The following ZNF331 variants were observed in gnomAD, a reference collection of about 807,000 sequenced individuals.
ZNF331 encodes zinc finger protein 331.
Under a neutral mutation model 7.0 loss-of-function variants are expected in ZNF331, and 2 were observed. That is an observed-to-expected ratio of 0.29 (90% CI 0.12 to 0.90). ZNF331 has a LOEUF of 0.90. ZNF331 is among the 40% of genes least tolerant of loss of function. The pLI is 0.58. For synonymous variants in ZNF331, 196 were observed against 205.4 expected (o/e 0.95, Z 0.39); for missense variants, 432 against 587.7 (o/e 0.74, Z 2.74).
chr19:53,572,648 AT>A (rs2090518543), intron 5 of ZNF331, among the ~76,000 whole-genome samples: 1 of 148,238 alleles, frequency 6.7e-6, no homozygotes, highest in Non-Finnish European at 1.5e-5. Flanking sequence ...ATATATACAT[AT>A]ATAGTATATA....
intron 3 of ZNF331, among the ~76,000 whole-genome samples, chr19:53,564,441 G>A (rs528115131): frequency 1.0e-3 from 156 of 151,954 alleles, no homozygotes; most frequent in African/African-American, 3.5e-3. Context: ...CACCATGCCC[G>A]GCTAATTTTT....
chr19:53,550,674 T>C (rs988113432), intron 2 of ZNF331, among the ~76,000 whole-genome samples: 1 of 150,060 alleles, frequency 6.7e-6, no homozygotes, highest in East Asian at 2.0e-4. Context: ...GTACCTGGGA[T>C]TACAGGCTCC....
intron 2 of ZNF331, among the ~76,000 whole-genome samples, chr19:53,527,049 C>A (rs1020345957): frequency 6.6e-6 from 1 of 151,812 alleles, no homozygotes; most frequent in African/African-American, 2.4e-5. Flanking sequence ...ATTAGCCAGG[C>A]ATGGTGGCAT....
At chr19:53,542,002 A>G (rs937894593) in intron 2 of ZNF331, among the ~76,000 whole-genome samples, 8 of 80,066 alleles carry the variant, frequency 1.0e-4, no homozygotes, top group Non-Finnish European at 1.7e-4. Context: ...ACAGTGTCTC[A>G]AAAAAAAAAA....
At chr19:53,521,482 G>A (rs1375401646) in exon 1 of ZNF331, 1 of 152,434 alleles carries the variant, frequency 6.6e-6, no homozygotes, top group Admixed American at 6.5e-5. Context: ...ATGCGGGGTT[G>A]ACGCGGCCGG....
chr19:53,510,461 T>C, the ZNF331 span, among the ~76,000 whole-genome samples: 1 of 151,726 alleles, frequency 6.6e-6, no homozygotes, highest in Non-Finnish European at 1.5e-5. Flanking sequence ...CCATGTAGCT[T>C]TATTTTAAAT....
At chr19:53,562,503 A>G (rs1418915945) in intron 3 of ZNF331, among the ~76,000 whole-genome samples, 1 of 152,138 alleles carries the variant, frequency 6.6e-6, no homozygotes, top group Non-Finnish European at 1.5e-5. Flanking sequence ...CAGCCTGGCT[A>G]ACATGGTGAA....
At chr19:53,567,041 G>A (rs1010510277) in intron 3 of ZNF331, among the ~76,000 whole-genome samples, 9 of 151,992 alleles carry the variant, frequency 5.9e-5, no homozygotes, top group African/African-American at 1.7e-4. Flanking sequence ...AAATGTTATT[G>A]TGTCATTCTG....
the ZNF331 span, among the ~76,000 whole-genome samples, chr19:53,508,170 A>G: frequency 6.6e-6 from 1 of 152,192 alleles, no homozygotes; most frequent in Non-Finnish European, 1.5e-5. Flanking sequence ...AATCTGTCTC[A>G]TGCAGAGCTT....
chr19:53,510,341 G>C, the ZNF331 span, among the ~76,000 whole-genome samples: 11 of 152,070 alleles, frequency 7.2e-5, no homozygotes, highest in East Asian at 2.1e-3. Flanking sequence ...GCAGATTAGG[G>C]AACTCGGGGT....
upstream of ZNF331, among the ~76,000 whole-genome samples, chr19:53,520,035 C>T (rs376700508): frequency 1.4e-4 from 21 of 149,778 alleles, no homozygotes; most frequent in South Asian, 6.4e-4. Flanking sequence ...TTAAGCTTTC[C>T]GGGCTTATTA....
At chr19:53,519,057 G>C (rs1251216009), upstream of ZNF331, among the ~76,000 whole-genome samples, 1 of 152,184 alleles carries the variant, frequency 6.6e-6, no homozygotes, top group African/African-American at 2.4e-5. Context: ...GCAAGATGGA[G>C]TCTTTTTCTA....
chr19:53,553,132 A>T (rs1455028634), intron 2 of ZNF331, among the ~76,000 whole-genome samples: 1 of 152,144 alleles, frequency 6.6e-6, no homozygotes, highest in Non-Finnish European at 1.5e-5. Context: ...AATGTATTTT[A>T]TGCCATTATA....
chr19:53,538,055 G>C (rs151226749), upstream of ZNF331: 1 of 152,472 alleles, frequency 6.6e-6, no homozygotes, highest in Non-Finnish European at 1.5e-5. Flanking sequence ...CATGCGTGTC[G>C]GGCTCTGCTG....
At chr19:53,559,893 TAC>T (rs1352457406) in intron 3 of ZNF331, among the ~76,000 whole-genome samples, 1 of 149,424 alleles carries the variant, frequency 6.7e-6, no homozygotes, top group Non-Finnish European at 1.5e-5. Context: ...ACACATGCCA[TAC>T]ACACACATAT....
the ZNF331 span, chr19:53,503,325 A>G: frequency 2.6e-6 from 1 of 379,816 alleles, no homozygotes; most frequent in South Asian, 2.2e-5. Flanking sequence ...AATGTCGCTC[A>G]TGCATCACGT....
intron 1 of ZNF331, among the ~76,000 whole-genome samples, chr19:53,522,410 T>A (rs1486783552): frequency 6.6e-6 from 1 of 152,138 alleles, no homozygotes; most frequent in African/African-American, 2.4e-5. Context: ...CTAATTTTTG[T>A]ATTTTTAGTA....
chr19:53,570,933 T>A (rs1032280718), intron 4 of ZNF331, among the ~76,000 whole-genome samples: 1 of 150,294 alleles, frequency 6.7e-6, no homozygotes, highest in Non-Finnish European at 1.5e-5. Flanking sequence ...CTCCGCTCAC[T>A]GCAAGCTCTG....
At chr19:53,545,340 G>C (rs563451790) in intron 2 of ZNF331, among the ~76,000 whole-genome samples, 2 of 152,190 alleles carry the variant, frequency 1.3e-5, no homozygotes, top group Non-Finnish European at 2.9e-5. Flanking sequence ...GAATGAGAGC[G>C]TGACTAACGG....
Sources: allele counts gnomAD v4.1 joint callset (sites outside exome capture counted in the v4.1 genomes callset), GRCh38; gene constraint gnomAD v4.1.1; transcripts MANE v1.5; gene names NCBI Gene and HGNC (gene_info 2026-07-23, HGNC 2026-07-21).